SH3BGRL2: variants seen among roughly 807,000 people sequenced by gnomAD.
SH3BGRL2 encodes the protein SH3 domain binding glutamate rich protein like 2, also known as SH3 domain-binding glutamic acid-rich-like protein 2.
Under a neutral mutation model 14.8 loss-of-function variants are expected in SH3BGRL2, and 21 were observed. The observed-to-expected ratio is 1.42, with a 90% CI of 1.01 to 2.05. The LOEUF (loss-of-function observed/expected upper bound fraction) is 2.05, where lower values mean the gene tolerates loss of function less well. Ranked by LOEUF, SH3BGRL2 falls within the 30% of genes most tolerant of loss-of-function variation. The pLI, the probability that SH3BGRL2 is intolerant of heterozygous loss-of-function variation, is 0.00. For synonymous variants in SH3BGRL2, 50 were observed against 47.8 expected (o/e 1.05, Z -0.19); for missense variants, 147 against 130.8 (o/e 1.12, Z -0.61).
the SH3BGRL2 span, among the ~76,000 whole-genome samples, chr6:79,616,326 G>A: frequency 1.1e-4 from 16 of 152,278 alleles, 1 homozygote; most frequent in South Asian, 3.3e-3. Flanking sequence ...CCTGCATGTG[G>A]CATTTTTAAT....
At chr6:79,602,998 G>C in the SH3BGRL2 span, among the ~76,000 whole-genome samples, 5 of 152,030 alleles carry the variant, frequency 3.3e-5, no homozygotes, top group Non-Finnish European at 7.4e-5. Flanking sequence ...AAGGGTGAGA[G>C]AGTGAGAGCC....
At chr6:79,689,164 A>G (rs1052538565) in intron 2 of SH3BGRL2, among the ~76,000 whole-genome samples, 1 of 152,036 alleles carries the variant, frequency 6.6e-6, no homozygotes. Context: ...TCTTTAAATC[A>G]TTCTCTTTTT....
At chr6:79,662,780 C>G (rs1463281948) in intron 1 of SH3BGRL2, among the ~76,000 whole-genome samples, 1 of 152,192 alleles carries the variant, frequency 6.6e-6, no homozygotes, top group Non-Finnish European at 1.5e-5. Context: ...CTTTCAGGTA[C>G]ACCAATCAAA....
the SH3BGRL2 span, among the ~76,000 whole-genome samples, chr6:79,579,280 A>T: frequency 2.6e-5 from 4 of 152,226 alleles, no homozygotes; most frequent in Admixed American, 6.5e-5. Flanking sequence ...CAACATTAAA[A>T]TTCAGGAAAT....
chr6:79,634,378 T>G (rs1338825409), intron 1 of SH3BGRL2, among the ~76,000 whole-genome samples: 3 of 152,236 alleles, frequency 2.0e-5, no homozygotes, highest in African/African-American at 7.2e-5. Context: ...ATGTTGCTAC[T>G]CATTCACATT....
At chr6:79,573,786 T>C in the SH3BGRL2 span, 1 of 152,354 alleles carries the variant, frequency 6.6e-6, no homozygotes, top group African/African-American at 2.4e-5. Flanking sequence ...GGAATGCAAT[T>C]GATTTTCATA....
At chr6:79,540,390 G>A in the SH3BGRL2 span, among the ~76,000 whole-genome samples, 3,879 of 152,062 alleles carry the variant, frequency 0.026, 60 homozygotes, top group Middle Eastern at 0.071. Context: ...AGCCGAGATC[G>A]CGCCACTGCA....
At chr6:79,673,144 G>T (rs184272947) in intron 1 of SH3BGRL2, among the ~76,000 whole-genome samples, 1 of 148,408 alleles carries the variant, frequency 6.7e-6, no homozygotes, top group East Asian at 2.3e-4. Flanking sequence ...TCTTGCAAGG[G>T]TGAGGGTGGG....
At chr6:79,570,533 CT>C in the SH3BGRL2 span, among the ~76,000 whole-genome samples, 1 of 152,204 alleles carries the variant, frequency 6.6e-6, no homozygotes, top group Non-Finnish European at 1.5e-5. Flanking sequence ...AAAGCAAATT[CT>C]TTAGGTCTGC....
chr6:79,648,302 A>T (rs1562146778), intron 1 of SH3BGRL2, among the ~76,000 whole-genome samples: 2 of 105,628 alleles, frequency 1.9e-5, no homozygotes, highest in African/African-American at 3.4e-5. Context: ...TATTATATAT[A>T]ATATATATAT....
chr6:79,582,623 A>G, the SH3BGRL2 span, among the ~76,000 whole-genome samples: 1 of 152,220 alleles, frequency 6.6e-6, no homozygotes, highest in Non-Finnish European at 1.5e-5. Context: ...TACACCTTAT[A>G]CAAAAATTAA....
At chr6:79,670,931 A>C (rs2127732456) in intron 1 of SH3BGRL2, among the ~76,000 whole-genome samples, 1 of 152,330 alleles carries the variant, frequency 6.6e-6, no homozygotes, top group East Asian at 1.9e-4. Flanking sequence ...AGCCTTCCCA[A>C]GGACTGTCTG....
chr6:79,603,478 T>A, the SH3BGRL2 span, among the ~76,000 whole-genome samples: 2 of 152,238 alleles, frequency 1.3e-5, no homozygotes, highest in African/African-American at 4.8e-5. Context: ...CAAAGACTTC[T>A]CACTTGCCAA....
chr6:79,676,097 T>C (rs1259376366), intron 2 of SH3BGRL2, among the ~76,000 whole-genome samples: 1 of 152,192 alleles, frequency 6.6e-6, no homozygotes. Flanking sequence ...TTAATTTTTC[T>C]GGAGAGTGGC....
At chr6:79,616,104 C>T in the SH3BGRL2 span, among the ~76,000 whole-genome samples, 1 of 152,046 alleles carries the variant, frequency 6.6e-6, no homozygotes, top group South Asian at 2.1e-4. Flanking sequence ...GCATGAGCCA[C>T]CGCACCCGGC....
At chr6:79,559,754 T>C in the SH3BGRL2 span, among the ~76,000 whole-genome samples, 2 of 152,128 alleles carry the variant, frequency 1.3e-5, no homozygotes, top group African/African-American at 4.8e-5. Flanking sequence ...AGAATACACA[T>C]GGAGATATTT....
the SH3BGRL2 span, among the ~76,000 whole-genome samples, chr6:79,582,396 C>G: frequency 6.6e-6 from 1 of 152,116 alleles, no homozygotes; most frequent in Non-Finnish European, 1.5e-5. Flanking sequence ...TACTACAAGG[C>G]TACAGTAACC....
chr6:79,600,228 T>A, the SH3BGRL2 span, among the ~76,000 whole-genome samples: 8 of 152,218 alleles, frequency 5.3e-5, no homozygotes, highest in African/African-American at 1.9e-4. Context: ...TTGCAACATA[T>A]TTTCTTACTT....
chr6:79,647,968 C>G (rs902176738), intron 1 of SH3BGRL2, among the ~76,000 whole-genome samples: 3 of 151,516 alleles, frequency 2.0e-5, no homozygotes, highest in Non-Finnish European at 4.4e-5. Context: ...AAGTGGCTAC[C>G]CTGTAGTTAA....
Sources: gnomAD v4.1 joint callset for allele counts (sites outside exome capture counted in the v4.1 genomes callset) on GRCh38, gnomAD v4.1.1 for gene constraint, MANE v1.5 for transcripts, NCBI Gene and HGNC (gene_info 2026-07-23, HGNC 2026-07-21) for gene names.